The following ALDOA variants were observed in gnomAD, a reference collection of about 807,000 sequenced individuals.
ALDOA encodes the protein aldolase, fructose-bisphosphate A, also known as fructose-bisphosphate aldolase A.
A neutral mutation model predicts 43.9 loss-of-function variants in ALDOA; 26 were observed. The ratio of observed to expected loss-of-function variants is 0.59; its 90% CI spans 0.43 to 0.82. ALDOA has a LOEUF of 0.82. ALDOA is among the 40% of genes least tolerant of loss of function. ALDOA has a pLI of 0.00. For synonymous variants in ALDOA, 258 were observed against 222.6 expected (o/e 1.16, Z -1.42); for missense variants, 498 against 549.5 (o/e 0.91, Z 0.94).
At position 30,070,135 on chromosome 16, in the gene ALDOA, C is replaced by G; in HGVS notation, c.1180C>G (p.Gln394Glu). 1 of 1,614,090 alleles carries G rather than the reference C, an allele frequency of 6.2e-7. No homozygotes were observed. Reference protein sequence around the residue: ...KRALANSLACQGKYTPSGQAG... With the variant: ...KRALANSLACEGKYTPSGQAG... ...TGCTTAGGCCAACAGCCTTGCCTGT[C>G]AAGGAAAGTACACTCCGAGCGGTCA... Residue 394 changes from glutamine to glutamate, a missense_variant, in exon 10 of 10, where the codon CAA (glutamine) becomes GAA (glutamate). Transcript: ENST00000642816.
intron 1 of ALDOA, chr16:30,066,313 G>A (rs939608648): frequency 6.6e-5 from 10 of 152,522 alleles, no homozygotes; most frequent in African/African-American, 2.2e-4. Flanking sequence ...CCTGGGAAAC[G>A]GGGCGCCCTT....
intron 1 of ALDOA, among the ~76,000 whole-genome samples, chr16:30,066,401 A>G (rs2072105984): frequency 6.6e-6 from 1 of 152,164 alleles, no homozygotes; most frequent in Non-Finnish European, 1.5e-5. Context: ...GGCGACCTTG[A>G]TTCTGAGCCC....
At chr16:30,069,008 T>TC in intron 6 of ALDOA, 30 bp downstream of exon 6, 2 of 1,613,984 alleles carry the variant, frequency 1.2e-6, no homozygotes, top group Non-Finnish European at 1.7e-6. Context: ...ATAGGCAACC[T>TC]CCTACCTCAT....
rs1596812760 is a variant in ALDOA at position 30,068,630 on chromosome 16, A to G, written c.487-16A>G. ...TCATTTCCTGTGTCTTAATGTTGTT[A>G]CCCTGACCCCAACAGGTAGACAAGG... On this transcript the variant is annotated splice_polypyrimidine_tract_variant and intron_variant, in intron 4 of 9. Coordinates refer to ENST00000642816, the MANE Select transcript of ALDOA (RefSeq NM_001243177.4). 2.5e-6 allele frequency: 4 copies of G among 1,613,968 alleles called. No individual in the cohort carries two copies. In the East Asian group the frequency reaches 8.9e-5, roughly 36 times the overall value.
In ALDOA at chr16:30,066,747, A is replaced by T. The variant is rs2072119479; in HGVS notation, c.-13-138A>T. 4.3e-6 allele frequency: 4 copies of T among 929,444 alleles called. No individual in the cohort carries two copies. In the South Asian group the frequency reaches 7.2e-5, roughly 17 times the overall value. 57.6% of individuals were successfully genotyped at this position (929,444 alleles called of 1,614,324 possible). A position where few individuals can be genotyped will look rare whatever the true frequency, so the allele number is the denominator to read the frequency against. ...CAGAAGAGCTGGGTTCTAATCTCAG[A>T]TCTGGCTCCGGGGTTGCTGTGTGGC... On this transcript the variant is annotated intron_variant, in intron 1 of 9. Coordinates refer to ENST00000642816, the MANE Select transcript of ALDOA (RefSeq NM_001243177.4).
chr16:30,070,177 A>G lies in ALDOA; in HGVS notation c.1222A>G (p.Ser408Gly), dbSNP rs1213215665. 1.9e-6 allele frequency: 3 copies of G among 1,614,134 alleles called. No homozygotes were observed. Among genetic ancestry groups the G allele is most frequent in the Admixed American group, 3.3e-5 (2 of 60,028 alleles). Reference sequence around the variant, plus strand: ...GAGCGGTCAGGCTGGGGCTGCTGCCAGCGAGTCCCTCTTCGTCTCTAACCA... The same window carrying G: ...GAGCGGTCAGGCTGGGGCTGCTGCCGGCGAGTCCCTCTTCGTCTCTAACCA... ...TPSGQAGAAASESLFVSNHAY is the reference protein window; with the variant it reads ...TPSGQAGAAAGESLFVSNHAY The change falls in exon 10 of 10, where the codon AGC becomes GGC. Residue 408 changes from serine (S) to glycine (G), a missense_variant. Physicochemically the swap from Ser to Gly is moderately conservative, Grantham distance 56. Transcript: ENST00000642816.
intron 6 of ALDOA, 55 bp downstream of exon 6, chr16:30,069,033 G>T: frequency 6.2e-7 from 1 of 1,611,956 alleles, no homozygotes; most frequent in Non-Finnish European, 8.5e-7. Flanking sequence ...TTCCAGTGTT[G>T]TTAATTTGCC....
At chr16:30,069,176 G>A in intron 6 of ALDOA, 130 bp from the exon 7 acceptor site, 3 of 1,347,210 alleles carry the variant, frequency 2.2e-6, no homozygotes, top group South Asian at 2.4e-5. Context: ...CTTGTCTCCT[G>A]TAATCTGAGG....
At chr16:30,066,859 A>G in intron 1 of ALDOA, 26 bp from the exon 2 acceptor site, 1 of 1,542,826 alleles carries the variant, frequency 6.5e-7, no homozygotes, top group Non-Finnish European at 8.8e-7. Context: ...ACATTCTAAA[A>G]TACTCCGGTT....
chr16:30,068,641 A>G lies in ALDOA; in HGVS notation c.487-5A>G. 6.2e-7 allele frequency: 1 copy of G among 1,614,152 alleles called. No homozygotes were observed. The highest frequency in any genetic ancestry group is 8.5e-7 in the Non-Finnish European group (1 of 1,180,010). On this transcript the variant is annotated splice_region_variant and splice_polypyrimidine_tract_variant and intron_variant, in intron 4 of 9. Coordinates refer to ENST00000642816, the MANE Select transcript of ALDOA (RefSeq NM_001243177.4). ...GTCTTAATGTTGTTACCCTGACCCC[A>G]ACAGGTAGACAAGGGCGTGGTCCCC...
chr16:30,069,370 G>A lies in ALDOA; in HGVS notation c.767G>A (p.Cys256Tyr). 1.2e-6 allele frequency: 2 copies of A among 1,614,180 alleles called. No homozygotes were observed. The change falls in exon 7 of 10, where the codon TGC becomes TAC. Residue 256 changes from cysteine (C) to tyrosine (Y), a missense_variant. Cys to Tyr is a radical substitution (Grantham distance 194, BLOSUM62 -2). Coordinates refer to ENST00000642816, the MANE Select transcript of ALDOA (RefSeq NM_001243177.4). ...LPDGDHDLKR[C>Y]QYVTEKVLAA... is the part of the protein sequence containing the mutation. ...GATGGGGACCATGACTTGAAGCGCTGCCAGTATGTGACCGAGAAGGTAAAT... is the reference window on the plus strand; with the variant it reads ...GATGGGGACCATGACTTGAAGCGCTACCAGTATGTGACCGAGAAGGTAAAT...
Position 30,067,354 on chromosome 16 carries a change from G to A in ALDOA, c.262G>A (p.Asp88Asn). The A allele has an allele frequency of 6.2e-7, 1 of 1,614,060 alleles. No homozygotes were observed. The highest frequency in any genetic ancestry group is 8.5e-7 in the Non-Finnish European group (1 of 1,180,020). The change falls in exon 3 of 10, where the codon GAT becomes AAT. Residue 88 changes from aspartate to asparagine, a missense_variant. Coordinates refer to ENST00000642816, the MANE Select transcript of ALDOA (RefSeq NM_001243177.4). ...VAPGKGILAA[D>N]ESTGSIAKRL... ...ACCTGGCAAGGGCATCCTGGCTGCA[G>A]ATGAGTCCACTGGTGCGGGCAGGAG...
In ALDOA at chr16:30,070,097, C is replaced by A; in HGVS notation, c.1162-20C>A. Reference sequence around the variant, plus strand: ...GACTCGGAGAAGAGCCCTTCTCACTCCACCCCTCTCCCTGCTTAGGCCAAC... The same window carrying A: ...GACTCGGAGAAGAGCCCTTCTCACTACACCCCTCTCCCTGCTTAGGCCAAC... On this transcript the variant is annotated intron_variant, in intron 9 of 9. Coordinates refer to ENST00000642816, the MANE Select transcript of ALDOA (RefSeq NM_001243177.4). The A allele has an allele frequency of 6.2e-7, 1 of 1,613,806 alleles. No individual in the cohort carries two copies. Among genetic ancestry groups the A allele is most frequent in the Non-Finnish European group, 8.5e-7 (1 of 1,179,940 alleles).
chr16:30,066,632 A>G (rs2072115754), intron 1 of ALDOA, among the ~76,000 whole-genome samples: 1 of 152,200 alleles, frequency 6.6e-6, no homozygotes, highest in African/African-American at 2.4e-5. Flanking sequence ...CTTGTGGGGA[A>G]AAGCCTGACC....
rs1567326827 is a variant in ALDOA, at chr16:30,070,323, CCCTCG to C, written c.*112_*116del. On this transcript the variant is annotated 3_prime_UTR_variant, in exon 10 of 10. Coordinates refer to ENST00000642816, the MANE Select transcript of ALDOA (RefSeq NM_001243177.4). ...GGCTGGCTTGCCCGCGCTCTTTCTT[CCCTCG>C]TGACAGTGGTGTGTGGTGTCGTCTG... The C allele has an allele frequency of 4.0e-6, 4 of 993,182 alleles. No individual in the cohort carries two copies. The African/African-American group carries it at 6.4e-5, about 16-fold the overall frequency. The allele number at this position is 993,182 out of a possible 1,614,324, so 61.5% of individuals were successfully genotyped here.
chr16:30,064,771 C>G, upstream of ALDOA: 1 of 178,000 alleles, frequency 5.6e-6, no homozygotes, highest in Non-Finnish European at 1.2e-5. Context: ...CCGGCTCCTT[C>G]GGCCTCGCCG....
chr16:30,070,401 CT>C lies in ALDOA; in HGVS notation c.*190del. The C allele has an allele frequency of 1.6e-5, 10 of 627,104 alleles. No individual in the cohort carries two copies. In the South Asian group the frequency reaches 1.8e-4, roughly 11 times the overall value. 38.8% of individuals were successfully genotyped at this position (627,104 alleles called of 1,614,324 possible). A position where few individuals can be genotyped will look rare whatever the true frequency, so the allele number is the denominator to read the frequency against. ...TTCCGGCACACTGCCAAATAAACAG[CT>C]ATTTAAGGGGGAGTCGGCCGTCCGT... On this transcript the variant is annotated 3_prime_UTR_variant, in exon 10 of 10. Coordinates refer to ENST00000642816, the MANE Select transcript of ALDOA (RefSeq NM_001243177.4).
rs868546910 is a variant in ALDOA at position 30,067,245 on chromosome 16, TAC to T, written c.154_155del (p.Thr52GlnfsTer20). 4 of 1,612,100 alleles carry T rather than the reference TAC, an allele frequency of 2.5e-6. No individual in the cohort carries two copies. In the African/African-American group the frequency reaches 5.3e-5, roughly 22 times the overall value. ...TTTCCTGTATCCAGGAACTTGCTAC[TAC>T]CAGCACCATGCCCTACCAATATCCA... ...QTELGKELAT[T>X]STMPYQYPAL... is the part of the protein sequence containing the mutation. On this transcript the variant is annotated frameshift_variant, in exon 3 of 10. Transcript: ENST00000642816. LOFTEE classifies it high-confidence loss of function.
chr16:30,070,358 T>C lies in ALDOA; in HGVS notation c.*146T>C. ...AGTGGTGTGTGGTGTCGTCTGTGAA[T>C]GCTAAGTCCATCACCCTTTCCGGCA... On this transcript the variant is annotated 3_prime_UTR_variant, in exon 10 of 10. Coordinates refer to ENST00000642816, the MANE Select transcript of ALDOA (RefSeq NM_001243177.4). 1.4e-6 allele frequency: 1 copy of C among 737,424 alleles called. No homozygotes were observed. The highest frequency in any genetic ancestry group is 1.7e-5 in the African/African-American group (1 of 57,748). 45.7% of individuals were successfully genotyped at this position (737,424 alleles called of 1,614,324 possible).
Sources: gnomAD v4.1 joint callset for allele counts (sites outside exome capture counted in the v4.1 genomes callset) on GRCh38, gnomAD v4.1.1 for gene constraint, MANE v1.5 for transcripts, NCBI Gene and HGNC (gene_info 2026-07-23, HGNC 2026-07-21) for gene names.